GPM6B: variants seen among roughly 807,000 people sequenced by gnomAD.
GPM6B encodes glycoprotein M6B.
Under a neutral mutation model 27.2 loss-of-function variants are expected in GPM6B, and 4 were observed. That is an observed-to-expected ratio of 0.15 (90% CI 0.07 to 0.34). The LOEUF is 0.34. Among genes scored for constraint, GPM6B ranks in the 10% least tolerant of loss-of-function variants. GPM6B has a pLI of 1.00. For synonymous variants in GPM6B, 124 were observed against 103.1 expected, an observed-to-expected ratio of 1.20 and a Z score of -1.23; for missense variants, 183 against 261.9, an observed-to-expected ratio of 0.70 and a Z score of 2.08.
At chrX:13,869,168 C>A (rs1245463145) in intron 1 of GPM6B, among the ~76,000 whole-genome samples, 1 of 112,325 alleles carries the variant, frequency 8.9e-6, no homozygotes, top group Non-Finnish European at 1.9e-5. Flanking sequence ...AGTACTGACA[C>A]ATGCTACCAC....
intron 1 of GPM6B, among the ~76,000 whole-genome samples, chrX:13,903,425 C>T (rs2050300328): frequency 9.0e-6 from 1 of 111,721 alleles, no homozygotes; most frequent in African/African-American, 3.3e-5. Context: ...AAGTATAATC[C>T]CCAATTTACC....
At chrX:13,804,944 C>T (rs908064847) in intron 2 of GPM6B, among the ~76,000 whole-genome samples, 3 of 111,287 alleles carry the variant, frequency 2.7e-5, no homozygotes, top group Non-Finnish European at 3.8e-5. Context: ...TCTGGAAAGG[C>T]GATGGCATGG....
intron 2 of GPM6B, among the ~76,000 whole-genome samples, chrX:13,791,127 G>A (rs940254001): frequency 8.0e-5 from 9 of 111,944 alleles, no homozygotes; most frequent in African/African-American, 2.3e-4. Context: ...ATTGGGTAAC[G>A]TGAACGAGAA....
In GPM6B at chrX:13,895,808, A is replaced by G. The variant is rs191559957; in HGVS notation, c.-198+42519T>C. ...CTTGGGGCAGAAACAGTAGGATACAATTAGCATTTTTGAAAATCTTAAAAT... is the reference window on the plus strand; with the variant it reads ...CTTGGGGCAGAAACAGTAGGATACAGTTAGCATTTTTGAAAATCTTAAAAT... On this transcript the variant is annotated intron_variant, in intron 1 of 6. Transcript: ENST00000398361. Among the ~76,000 whole-genome samples, 35 of 109,633 alleles carry G rather than the reference A, an allele frequency of 3.2e-4. 1 individual carries two copies. The highest frequency in any genetic ancestry group is 4.6e-3 in the Middle Eastern group (1 of 217).
intron 1 of GPM6B, among the ~76,000 whole-genome samples, chrX:13,881,495 G>C (rs1433710071): frequency 2.9e-5 from 3 of 105,100 alleles, no homozygotes; most frequent in African/African-American, 1.0e-4. Context: ...CTGGGTGACA[G>C]AGCAAGACCC....
At chrX:13,843,100 C>G (rs1236574260) in intron 1 of GPM6B, among the ~76,000 whole-genome samples, 1 of 111,547 alleles carries the variant, frequency 9.0e-6, no homozygotes, top group African/African-American at 3.3e-5. Context: ...CCTCCCTACC[C>G]TACCCTCACC....
intron 2 of GPM6B, among the ~76,000 whole-genome samples, chrX:13,790,882 ACC>A: frequency 1.7e-5 from 1 of 59,510 alleles, no homozygotes; most frequent in African/African-American, 1.0e-4. Context: ...CACTCCAACC[ACC>A]CCCTAAAGTG....
At position 13,816,930 on chromosome X, in the gene GPM6B, CCT is replaced by C. The variant is rs759895174; in HGVS notation, c.-28_-27del. On this transcript the variant is annotated 5_prime_UTR_variant, in exon 1 of 8. Transcript: ENST00000316715. Reference sequence around the variant, plus strand: ...ACCATCCACCAAAAATGCTTTTCCCCCTGTTCCCCCCAACACACACTTGTTTT... The same window carrying C: ...ACCATCCACCAAAAATGCTTTTCCCCGTTCCCCCCAACACACACTTGTTTT... 68 of 1,183,016 alleles carry C rather than the reference CCT, an allele frequency of 5.7e-5. No homozygotes were observed. Among genetic ancestry groups the C allele is most frequent in the African/African-American group, 7.2e-5 (4 of 55,666 alleles).
chrX:13,817,229 G>A (rs1050687697), upstream of GPM6B: 1 of 850,599 alleles, frequency 1.2e-6, no homozygotes. Flanking sequence ...TGGGGGTAGG[G>A]GGGTGGGGGA....
intron 2 of GPM6B, among the ~76,000 whole-genome samples, chrX:13,787,453 G>A (rs2048634171): frequency 8.9e-6 from 1 of 111,782 alleles, no homozygotes; most frequent in African/African-American, 3.3e-5. Flanking sequence ...CTACTTGGGA[G>A]GCTGAGGCAA....
intron 1 of GPM6B, among the ~76,000 whole-genome samples, chrX:13,838,598 T>C (rs896270852): frequency 9.0e-6 from 1 of 111,684 alleles, no homozygotes; most frequent in African/African-American, 3.3e-5. Flanking sequence ...GCCAGTGACA[T>C]TCAGAGTGTC....
chrX:13,911,095 A>G (rs2050375078), intron 1 of GPM6B, among the ~76,000 whole-genome samples: 1 of 112,487 alleles, frequency 8.9e-6, no homozygotes. Context: ...ATCAAGGCCC[A>G]GACATTAATT....
chrX:13,920,748 G>A (rs955031416), intron 1 of GPM6B, among the ~76,000 whole-genome samples: 1 of 109,970 alleles, frequency 9.1e-6, no homozygotes, highest in Admixed American at 9.7e-5. Context: ...AAAATTAGCC[G>A]GGTGTGGTGG....
chrX:13,902,986 CTCTGGGGCTGGACCCTGGG>C (rs1024040143), intron 1 of GPM6B, among the ~76,000 whole-genome samples: 2 of 112,390 alleles, frequency 1.8e-5, no homozygotes, highest in Non-Finnish European at 3.8e-5. Flanking sequence ...ATCTAGGAAT[CTCTGGGGCTGGACCCTGGG>C]TCCTAGAAAT....
intron 5 of GPM6B, among the ~76,000 whole-genome samples, chrX:13,778,672 A>C (rs2048460801): frequency 8.9e-6 from 1 of 112,400 alleles, no homozygotes; most frequent in Non-Finnish European, 1.9e-5. Flanking sequence ...AACAATAAAT[A>C]GGCAAATATA....
At chrX:13,800,913 G>A (rs1166232628) in intron 2 of GPM6B, among the ~76,000 whole-genome samples, 1 of 109,804 alleles carries the variant, frequency 9.1e-6, no homozygotes, top group Non-Finnish European at 1.9e-5. Flanking sequence ...GGGCTCAAGT[G>A]ATCCTCCTGC....
intron 1 of GPM6B, among the ~76,000 whole-genome samples, chrX:13,837,800 G>A (rs998391645): frequency 1.0e-4 from 8 of 80,387 alleles, no homozygotes; most frequent in Non-Finnish European, 2.1e-4. Context: ...CCTTCAAAGC[G>A]GCTTGCCTGA....
At chrX:13,830,230 A>G (rs918251121) in intron 1 of GPM6B, among the ~76,000 whole-genome samples, 9 of 111,950 alleles carry the variant, frequency 8.0e-5, no homozygotes, top group African/African-American at 2.3e-4. Flanking sequence ...AGCATGTTCC[A>G]TCTATGACTA....
intron 1 of GPM6B, among the ~76,000 whole-genome samples, chrX:13,827,333 G>C (rs2049387066): frequency 9.7e-6 from 1 of 102,624 alleles, no homozygotes; most frequent in African/African-American, 3.6e-5. Flanking sequence ...CCCAGGCTGG[G>C]GTGCAGTGGT....
Sources: allele counts gnomAD v4.1 joint callset (sites outside exome capture counted in the v4.1 genomes callset), GRCh38; gene constraint gnomAD v4.1.1; transcripts MANE v1.5; gene names NCBI Gene and HGNC (gene_info 2026-07-23, HGNC 2026-07-21).